Variants in GALNT13 observed in about 807,000 individuals in gnomAD.
GALNT13 encodes polypeptide N-acetylgalactosaminyltransferase 13, also known as UDP-GalNAc:polypeptide N-acetylgalactosaminyltransferase 13.
GALNT13 carries 28 observed loss-of-function variants against 64.2 expected under a neutral mutation model. That is an observed-to-expected ratio of 0.44 (90% CI 0.32 to 0.60). The LOEUF is 0.60. Ranked by LOEUF, GALNT13 falls within the 20% of genes least tolerant of loss-of-function variation. GALNT13 has a pLI of 0.05. For synonymous variants in GALNT13, 214 were observed against 224.6 expected (o/e 0.95, Z 0.42); for missense variants, 577 against 669.8 (o/e 0.86, Z 1.53).
At chr2:154,297,098 G>A (rs1402422972) in intron 8 of GALNT13, among the ~76,000 whole-genome samples, 1 of 152,200 alleles carries the variant, frequency 6.6e-6, no homozygotes, top group Non-Finnish European at 1.5e-5. Context: ...GGAGAATAAG[G>A]TATGGTCTTA....
At chr2:153,732,424 C>T in the GALNT13 span, among the ~76,000 whole-genome samples, 4 of 151,916 alleles carry the variant, frequency 2.6e-5, no homozygotes, top group Non-Finnish European at 4.4e-5. Flanking sequence ...TGTTTGGGAT[C>T]AGTTACCACC....
the GALNT13 span, among the ~76,000 whole-genome samples, chr2:153,576,365 G>A: frequency 2.6e-5 from 4 of 152,258 alleles, no homozygotes; most frequent in Admixed American, 6.5e-5. Context: ...GCCTTTCAAG[G>A]TTTCTTCAAG....
chr2:153,824,634 G>A, the GALNT13 span, among the ~76,000 whole-genome samples: 2 of 151,958 alleles, frequency 1.3e-5, no homozygotes, highest in Non-Finnish European at 2.9e-5. Flanking sequence ...TCCAGTCCCT[G>A]GTGTTTTTTC....
chr2:154,365,408 T>G (rs1483107633), intron 9 of GALNT13, among the ~76,000 whole-genome samples: 2 of 152,174 alleles, frequency 1.3e-5, no homozygotes, highest in Non-Finnish European at 2.9e-5. Flanking sequence ...ATTTATAAAT[T>G]GCCAATATTT....
chr2:153,614,968 T>TA, the GALNT13 span, among the ~76,000 whole-genome samples: 3 of 152,072 alleles, frequency 2.0e-5, no homozygotes, highest in African/African-American at 7.2e-5. Flanking sequence ...ATAGTAGGTC[T>TA]TATTCCTTCC....
chr2:153,477,386 A>C, the GALNT13 span: 2 of 152,642 alleles, frequency 1.3e-5, no homozygotes, highest in African/African-American at 4.8e-5. Flanking sequence ...TAAGAAAAAA[A>C]CAAAAAGTCA....
the GALNT13 span, among the ~76,000 whole-genome samples, chr2:153,414,914 C>T: frequency 3.3e-5 from 5 of 152,072 alleles, no homozygotes; most frequent in African/African-American, 1.2e-4. Context: ...AGTCAGGGAG[C>T]AGAACTCTGG....
At position 154,301,574 on chromosome 2, in the gene GALNT13, T is replaced by C. The variant is rs752913974; in HGVS notation, c.1141T>C (p.Tyr381His). ...VWMDEFKDFF[Y>H]IISPGVVKVD... The stretch of plus-strand genomic sequence containing the variant: ...GATGGATGAATTTAAAGATTTCTTC[T>C]ACATCATATCCCCAGGTACACAATT... The change falls in exon 9 of 13, where the codon TAC becomes CAC. Residue 381 changes from tyrosine (Y) to histidine (H), a missense_variant. Around this residue, in one of 3 missense-constraint regions of GALNT13, gnomAD observed 232 missense variants for 270.6 expected, o/e 0.86. Coordinates refer to ENST00000392825, the MANE Select transcript of GALNT13 (RefSeq NM_052917.4). 3 of 1,610,354 alleles carry C rather than the reference T, an allele frequency of 1.9e-6. No homozygotes were observed. Among genetic ancestry groups the C allele is most frequent in the Non-Finnish European group, 1.7e-6 (2 of 1,176,920 alleles).
intron 1 of GALNT13, among the ~76,000 whole-genome samples, chr2:153,875,340 A>G (rs996452661): frequency 3.3e-5 from 5 of 152,208 alleles, no homozygotes; most frequent in Admixed American, 2.6e-4. Flanking sequence ...TTATTTATAA[A>G]TCACTTGATA....
At chr2:153,755,592 A>G in the GALNT13 span, among the ~76,000 whole-genome samples, 15 of 152,158 alleles carry the variant, frequency 9.9e-5, no homozygotes, top group African/African-American at 3.1e-4. Flanking sequence ...GTTTTAAATA[A>G]TGTTGTTTTC....
At chr2:153,069,499 C>T in the GALNT13 span, among the ~76,000 whole-genome samples, 3 of 152,132 alleles carry the variant, frequency 2.0e-5, no homozygotes, top group African/African-American at 4.8e-5. Context: ...ACCTTTATCT[C>T]CTCTATTCAT....
intron 3 of GALNT13, among the ~76,000 whole-genome samples, chr2:154,023,001 C>T (rs535679884): frequency 5.3e-5 from 8 of 152,216 alleles, no homozygotes; most frequent in Non-Finnish European, 7.4e-5. Context: ...TGTAGTTGAG[C>T]GGTTTTGAGT....
At chr2:153,120,302 A>T in the GALNT13 span, among the ~76,000 whole-genome samples, 1 of 152,238 alleles carries the variant, frequency 6.6e-6, no homozygotes, top group African/African-American at 2.4e-5. Flanking sequence ...ATGAAGGAAA[A>T]TAAGTCTTCC....
chr2:153,478,004 T>C, the GALNT13 span: 1 of 553,352 alleles, frequency 1.8e-6, no homozygotes, highest in East Asian at 3.0e-5. Context: ...AATCGCCCTC[T>C]TCTTGCCACT....
At chr2:154,291,110 G>A (rs1385541727) in intron 8 of GALNT13, among the ~76,000 whole-genome samples, 2 of 152,076 alleles carry the variant, frequency 1.3e-5, no homozygotes, top group African/African-American at 2.4e-5. Flanking sequence ...GTAGGTTGCC[G>A]CGGCTGGCTT....
At chr2:153,665,352 G>A in the GALNT13 span, among the ~76,000 whole-genome samples, 1 of 152,160 alleles carries the variant, frequency 6.6e-6, no homozygotes, top group South Asian at 2.1e-4. Context: ...CTGACTGAGG[G>A]CAAAGAGAAA....
At chr2:153,270,488 C>G in the GALNT13 span, among the ~76,000 whole-genome samples, 108 of 152,288 alleles carry the variant, frequency 7.1e-4, no homozygotes, top group African/African-American at 2.3e-3. Flanking sequence ...TGCCCAGACG[C>G]GCACCTCCTA....
the GALNT13 span, among the ~76,000 whole-genome samples, chr2:153,239,351 A>G: frequency 1.3e-5 from 2 of 152,232 alleles, no homozygotes; most frequent in East Asian, 1.9e-4. Context: ...TGATTGCTTT[A>G]GCTAGGACTT....
the GALNT13 span, among the ~76,000 whole-genome samples, chr2:153,740,142 G>A: frequency 6.6e-6 from 1 of 151,830 alleles, no homozygotes; most frequent in Non-Finnish European, 1.5e-5. Context: ...CTTTAAATTT[G>A]TCTTTTGCTA....
Sources: gnomAD v4.1 joint callset for allele counts (sites outside exome capture counted in the v4.1 genomes callset) on GRCh38, gnomAD v4.1.1 for gene constraint, gnomAD v4.1.1 regional missense constraint, MANE v1.5 for transcripts, NCBI Gene and HGNC (gene_info 2026-07-23, HGNC 2026-07-21) for gene names.